Variants in SLC8A1 observed in about 807,000 individuals in gnomAD.
SLC8A1 encodes solute carrier family 8 member A1.
In SLC8A1, 18 loss-of-function variants were observed where a neutral mutation model predicts 68.3. The observed-to-expected ratio is 0.26, with a 90% CI of 0.18 to 0.39. The LOEUF (loss-of-function observed/expected upper bound fraction) is 0.39. Ranked by LOEUF, SLC8A1 falls within the 10% of genes least tolerant of loss-of-function variation. The probability of loss-of-function intolerance (pLI) is 1.00; values close to 1 mark genes in which losing one functional copy is unlikely to be tolerated. For synonymous variants in SLC8A1, 475 were observed against 415.5 expected (o/e 1.14, Z -1.74); for missense variants, 985 against 1,156.7 (o/e 0.85, Z 2.15).
chr2:40,361,198 G>A (rs1352814524), intron 2 of SLC8A1, among the ~76,000 whole-genome samples: 2 of 152,156 alleles, frequency 1.3e-5, no homozygotes, highest in South Asian at 2.1e-4. Flanking sequence ...TAATGGCTAA[G>A]ATACTCTCTA....
intron 1 of SLC8A1, among the ~76,000 whole-genome samples, chr2:40,431,655 G>C (rs1394632231): frequency 6.6e-6 from 1 of 152,162 alleles, no homozygotes; most frequent in African/African-American, 2.4e-5. Context: ...TATGACATCA[G>C]ATAAAGCAGC....
intron 1 of SLC8A1, among the ~76,000 whole-genome samples, chr2:40,489,035 T>A (rs1411143948): frequency 6.6e-6 from 1 of 152,148 alleles, no homozygotes; most frequent in Non-Finnish European, 1.5e-5. Flanking sequence ...AGAACTGTCA[T>A]TGATTGAGTG....
At position 40,466,344 on chromosome 2, in the gene SLC8A1, G is replaced by C. The variant is rs1439856979; in HGVS notation, c.-24-36040C>G. Among the ~76,000 whole-genome samples the C allele has an allele frequency of 2.6e-5, 4 of 152,120 alleles. 1 individual carries two copies. The highest frequency in any genetic ancestry group is 2.6e-4 in the Admixed American group (4 of 15,262). ...ATCAAAAGCGATGGAAAATTTTGTGGAACGATATACCCGTCAGGAAGCTGG... is the reference window on the plus strand; with the variant it reads ...ATCAAAAGCGATGGAAAATTTTGTGCAACGATATACCCGTCAGGAAGCTGG... On this transcript the variant is annotated intron_variant, in intron 1 of 7. Transcript: ENST00000402441.
intron 1 of SLC8A1, among the ~76,000 whole-genome samples, chr2:40,434,961 G>T (rs1405945524): frequency 6.6e-6 from 1 of 152,126 alleles, no homozygotes; most frequent in Non-Finnish European, 1.5e-5. Flanking sequence ...TGGAGCAGAG[G>T]CCTGAAGAGT....
intron 2 of SLC8A1, among the ~76,000 whole-genome samples, chr2:40,253,094 T>TATATATACATATATACGTGTATAC (rs2063185786): frequency 1.8e-5 from 2 of 109,064 alleles, no homozygotes; most frequent in Non-Finnish European, 3.6e-5. Flanking sequence ...ATGTATATAG[T>TATATATACATATATACGTGTATAC]ATATATACAT....
chr2:40,142,290 G>A (rs973394832), intron 6 of SLC8A1, among the ~76,000 whole-genome samples: 1 of 152,160 alleles, frequency 6.6e-6, no homozygotes, highest in African/African-American at 2.4e-5. Context: ...GAGGAAGGAA[G>A]AAGAAAGTCA....
chr2:40,384,607 C>T (rs1682978563), intron 2 of SLC8A1, among the ~76,000 whole-genome samples: 1 of 152,038 alleles, frequency 6.6e-6, no homozygotes, highest in Admixed American at 6.6e-5. Context: ...CTACTATGCT[C>T]ATTTCTTCAA....
chr2:40,261,076 A>G (rs543150579), intron 2 of SLC8A1, among the ~76,000 whole-genome samples: 2 of 152,210 alleles, frequency 1.3e-5, no homozygotes, highest in Non-Finnish European at 2.9e-5. Context: ...CAATGGAGCC[A>G]GGTCAAAATG....
At chr2:40,490,723 C>T (rs764433777) in intron 1 of SLC8A1, among the ~76,000 whole-genome samples, 17 of 151,988 alleles carry the variant, frequency 1.1e-4, no homozygotes, top group African/African-American at 3.1e-4. Flanking sequence ...AGACTTCTAA[C>T]GTCAACTTGG....
At chr2:40,243,498 AAAAG>A (rs1446174075) in intron 2 of SLC8A1, among the ~76,000 whole-genome samples, 1 of 152,186 alleles carries the variant, frequency 6.6e-6, no homozygotes. Flanking sequence ...AGAGAAAAAG[AAAAG>A]AAAGATTTCT....
At chr2:40,357,737 C>T (rs2149468262) in intron 2 of SLC8A1, among the ~76,000 whole-genome samples, 1 of 152,140 alleles carries the variant, frequency 6.6e-6, no homozygotes. Flanking sequence ...ATATAGAATG[C>T]TGAGCTACAT....
intron 1 of SLC8A1, among the ~76,000 whole-genome samples, chr2:40,432,808 G>C (rs930805278): frequency 5.9e-5 from 9 of 152,034 alleles, no homozygotes; most frequent in African/African-American, 1.7e-4. Context: ...TGCTGGTTCA[G>C]TGCAGAAAAG....
chr2:40,216,012 C>CTTTTTTTT (rs61623694), intron 2 of SLC8A1, among the ~76,000 whole-genome samples: 20 of 143,786 alleles, frequency 1.4e-4, no homozygotes, highest in Admixed American at 3.4e-4. Context: ...CCAGTGTATG[C>CTTTTTTTT]TTTTTTTTTT....
chr2:40,188,675 T>C (rs921571589), intron 2 of SLC8A1, among the ~76,000 whole-genome samples: 15 of 152,240 alleles, frequency 9.9e-5, no homozygotes, highest in African/African-American at 3.6e-4. Flanking sequence ...GCAGCTAGAA[T>C]ATGCTGAAAG....
At chr2:40,125,241 C>G (rs1485487169) in intron 7 of SLC8A1, among the ~76,000 whole-genome samples, 1 of 152,084 alleles carries the variant, frequency 6.6e-6, no homozygotes, top group African/African-American at 2.4e-5. Context: ...GAAAAGCATC[C>G]TATATACTAC....
intron 2 of SLC8A1, among the ~76,000 whole-genome samples, chr2:40,419,872 T>A (rs1198783773): frequency 6.6e-6 from 1 of 152,110 alleles, no homozygotes; most frequent in East Asian, 1.9e-4. Flanking sequence ...AAGGTTATAA[T>A]TATATTTATA....
At chr2:40,346,330 A>G (rs1353851262) in intron 2 of SLC8A1, among the ~76,000 whole-genome samples, 1 of 152,146 alleles carries the variant, frequency 6.6e-6, no homozygotes, top group African/African-American at 2.4e-5. Context: ...CCACATAATG[A>G]GAAAACGGAC....
chr2:40,253,111 GTGTATACA>G (rs2063199277), intron 2 of SLC8A1, among the ~76,000 whole-genome samples: 1 of 106,224 alleles, frequency 9.4e-6, no homozygotes, highest in African/African-American at 4.2e-5. Flanking sequence ...ACATATATAC[GTGTATACA>G]TATATACACG....
At chr2:40,268,453 T>C (rs1295579569) in intron 2 of SLC8A1, among the ~76,000 whole-genome samples, 1 of 152,178 alleles carries the variant, frequency 6.6e-6, no homozygotes, top group Non-Finnish European at 1.5e-5. Flanking sequence ...GGTCTACAAA[T>C]GGAAGAAATC....
Sources: gnomAD v4.1 joint callset for allele counts (sites outside exome capture counted in the v4.1 genomes callset) on GRCh38, gnomAD v4.1.1 for gene constraint, MANE v1.5 for transcripts, NCBI Gene and HGNC (gene_info 2026-07-23, HGNC 2026-07-21) for gene names.